ATRNL1: variants seen among roughly 807,000 people sequenced by gnomAD.
The protein encoded by ATRNL1 is attractin-like protein 1.
In ATRNL1, 95 loss-of-function variants were observed where a neutral mutation model predicts 182.7. The observed-to-expected ratio is 0.52, with a 90% CI of 0.44 to 0.62. ATRNL1 has a LOEUF of 0.62. Among genes scored for constraint, ATRNL1 ranks in the 20% least tolerant of loss-of-function variants. The pLI, the probability that ATRNL1 is intolerant of heterozygous loss-of-function variation, is 0.00. For missense variants in ATRNL1, 1,471 were observed against 1,679.5 expected (o/e 0.88, Z 2.17); for synonymous variants, 576 against 568.3 (o/e 1.01, Z -0.19).
Position 115,908,700 on chromosome 10 carries a change from G to A in ATRNL1, c.4019-35958G>A, listed in dbSNP as rs562468240. On this transcript the variant is annotated intron_variant, in intron 28 of 28. Transcript: ENST00000355044. ...AAAATCTAGAAGAACAGATTTCTCA[G>A]GGCACCTAAGCTGCTGCCCAGCACA... Among the ~76,000 whole-genome samples the A allele has an allele frequency of 1.1e-4, 16 of 152,258 alleles. No individual in the cohort carries two copies. The East Asian group carries it at 2.9e-3, about 28-fold the overall frequency.
intron 27 of ATRNL1, among the ~76,000 whole-genome samples, chr10:115,733,889 A>G (rs1175231298): frequency 1.3e-5 from 2 of 152,172 alleles, no homozygotes; most frequent in African/African-American, 2.4e-5. Flanking sequence ...TCATTATCCC[A>G]TTACCCATAA....
intron 25 of ATRNL1, among the ~76,000 whole-genome samples, chr10:115,521,138 T>TTTGTTGTTGTTGTTGTTGTTG (rs68061119): frequency 6.7e-6 from 1 of 148,952 alleles, no homozygotes; most frequent in Non-Finnish European, 1.5e-5. Flanking sequence ...TAAAACAACT[T>TTTGTTGTTGTTGTTGTTGTTG]TTGTTGTTGT....
At chr10:115,107,487 C>T (rs1043582558) in intron 1 of ATRNL1, among the ~76,000 whole-genome samples, 1 of 152,050 alleles carries the variant, frequency 6.6e-6, no homozygotes, top group African/African-American at 2.4e-5. Flanking sequence ...GCAGCCCAGC[C>T]CTTAGGCTTT....
At chr10:115,275,933 CCTTT>C (rs1270123552) in intron 13 of ATRNL1, among the ~76,000 whole-genome samples, 2 of 152,148 alleles carry the variant, frequency 1.3e-5, no homozygotes, top group Non-Finnish European at 2.9e-5. Flanking sequence ...CAGAAAGAGC[CCTTT>C]CTAACTCTCC....
At chr10:115,700,666 A>G (rs1488499226) in intron 26 of ATRNL1, among the ~76,000 whole-genome samples, 1 of 151,982 alleles carries the variant, frequency 6.6e-6, no homozygotes, top group East Asian at 1.9e-4. Flanking sequence ...TACTTTGTTG[A>G]TAGTTTCAGG....
In ATRNL1 at chr10:115,310,099, A is replaced by T. The variant is rs373110748; in HGVS notation, c.2819-5419A>T. 2.0e-5 allele frequency among the ~76,000 whole-genome samples: 3 copies of T among 152,122 alleles called. No homozygotes were observed. The East Asian group carries it at 5.8e-4, about 29-fold the overall frequency. Reference sequence around the variant, plus strand: ...TTTAATGAATGCTTTTCCTGTAATTATTTGAGATTATCATATCACTTTTGT... The same window carrying T: ...TTTAATGAATGCTTTTCCTGTAATTTTTTGAGATTATCATATCACTTTTGT... On this transcript the variant is annotated intron_variant, in intron 17 of 28. Transcript: ENST00000355044.
intron 9 of ATRNL1, among the ~76,000 whole-genome samples, chr10:115,237,275 C>T (rs1320759977): frequency 6.6e-6 from 1 of 152,120 alleles, no homozygotes; most frequent in Non-Finnish European, 1.5e-5. Flanking sequence ...AGTGCAATTC[C>T]TGGATGGTAT....
chr10:115,212,498 A>G (rs946339381), intron 8 of ATRNL1, among the ~76,000 whole-genome samples: 1 of 152,010 alleles, frequency 6.6e-6, no homozygotes, highest in Non-Finnish European at 1.5e-5. Flanking sequence ...ATTACTAGGT[A>G]TATATCCAAA....
rs1329169598 is a variant in ATRNL1, at chr10:115,378,873, C to T, written c.3176-15786C>T. Among the ~76,000 whole-genome samples the T allele has an allele frequency of 4.6e-5, 7 of 152,144 alleles. No homozygotes were observed. The East Asian group carries it at 1.3e-3, about 29-fold the overall frequency. Reference sequence around the variant, plus strand: ...AAGGATACAAAGAAAATTAAATTTACATGATATCCTAACCTCTAGGGGTTG... The same window carrying T: ...AAGGATACAAAGAAAATTAAATTTATATGATATCCTAACCTCTAGGGGTTG... On this transcript the variant is annotated intron_variant, in intron 19 of 28. Transcript: ENST00000355044.
chr10:115,897,329 G>T (rs1182522239), intron 28 of ATRNL1, among the ~76,000 whole-genome samples: 1 of 152,172 alleles, frequency 6.6e-6, no homozygotes, highest in Non-Finnish European at 1.5e-5. Context: ...CTCATGCGTT[G>T]TTGGAGGGAG....
chr10:115,399,307 G>A (rs1554956374), intron 20 of ATRNL1, among the ~76,000 whole-genome samples: 1 of 151,948 alleles, frequency 6.6e-6, no homozygotes. Flanking sequence ...ATCATGTCCT[G>A]GGTTTCTTTG....
At chr10:115,723,534 G>GTATTTATTTATT (rs112343950) in intron 26 of ATRNL1, among the ~76,000 whole-genome samples, 10,735 of 148,136 alleles carry the variant, frequency 0.072, 483 homozygotes, top group South Asian at 0.11. Context: ...CTTTTCTTTT[G>GTATTTATTTATT]TATTTATTTA....
chr10:115,559,546 C>A (rs1853565772), intron 26 of ATRNL1, among the ~76,000 whole-genome samples: 1 of 152,166 alleles, frequency 6.6e-6, no homozygotes, highest in Admixed American at 6.5e-5. Flanking sequence ...CTAGAATTAG[C>A]TATTTCTCCA....
Position 115,770,151 on chromosome 10 carries a change from T to TA in ATRNL1, c.3903+42804dup, listed in dbSNP as rs200513880. On this transcript the variant is annotated intron_variant, in intron 27 of 28. Transcript: ENST00000355044. Reference sequence around the variant, plus strand: ...ACCTGAAGGGTTTTTTTTTTAAAACTAAAAAAAACAAGAGAAAGTTTATAA... The same window carrying TA: ...ACCTGAAGGGTTTTTTTTTTAAAACTAAAAAAAAACAAGAGAAAGTTTATAA... Among the ~76,000 whole-genome samples, 1,153 of 151,362 alleles carry TA rather than the reference T, an allele frequency of 7.6e-3. 9 individuals carry two copies. Among genetic ancestry groups the TA allele is most frequent in the African/African-American group, 0.026 (1,077 of 41,330 alleles).
intron 24 of ATRNL1, among the ~76,000 whole-genome samples, chr10:115,501,054 T>A: frequency 6.7e-6 from 1 of 148,884 alleles, no homozygotes; most frequent in East Asian, 2.0e-4. Context: ...TGCCTTAGCC[T>A]CCCAAGTAGC....
chr10:115,567,962 A>G (rs1854164817), intron 26 of ATRNL1, among the ~76,000 whole-genome samples: 1 of 152,030 alleles, frequency 6.6e-6, no homozygotes, highest in South Asian at 2.1e-4. Flanking sequence ...GAGTACTGTC[A>G]TCCTTTATCT....
chr10:115,394,540 T>C, intron 19 of ATRNL1, 119 bp from the exon 20 acceptor site: 2 of 746,978 alleles, frequency 2.7e-6, no homozygotes, highest in Non-Finnish European at 4.5e-6. Context: ...TAACCTTAGT[T>C]TTTGGATGGC....
intron 26 of ATRNL1, among the ~76,000 whole-genome samples, chr10:115,637,323 A>G (rs944922886): frequency 3.3e-5 from 5 of 152,126 alleles, no homozygotes; most frequent in Non-Finnish European, 5.9e-5. Flanking sequence ...TTCCGGTGTA[A>G]TAAGATGTGG....
chr10:115,658,254 C>T (rs1860461633), intron 26 of ATRNL1, among the ~76,000 whole-genome samples: 2 of 151,364 alleles, frequency 1.3e-5, no homozygotes, highest in Non-Finnish European at 2.9e-5. Context: ...TGCCACCATG[C>T]CTGGCTAATT....
Sources: allele counts gnomAD v4.1 joint callset (sites outside exome capture counted in the v4.1 genomes callset), GRCh38; gene constraint gnomAD v4.1.1; transcripts MANE v1.5; gene names NCBI Gene and HGNC (gene_info 2026-07-23, HGNC 2026-07-21).